CHRM3: variants seen among roughly 807,000 people sequenced by gnomAD.
CHRM3 encodes the protein cholinergic receptor muscarinic 3.
CHRM3 carries 11 observed loss-of-function variants against 41.8 expected under a neutral mutation model. The ratio of observed to expected loss-of-function variants is 0.26; its 90% confidence interval spans 0.17 to 0.44. The LOEUF is 0.44. Among genes scored for constraint, CHRM3 ranks in the 20% least tolerant of loss-of-function variants. The probability of loss-of-function intolerance (pLI) is 1.00; values close to 1 mark genes in which losing one functional copy is unlikely to be tolerated. For synonymous variants in CHRM3, 297 were observed against 301.4 expected (o/e 0.99, Z 0.15); for missense variants, 571 against 745.4 (o/e 0.77, Z 2.72).
intron 1 of CHRM3, among the ~76,000 whole-genome samples, chr1:239,421,833 A>G (rs1266327888): frequency 6.6e-6 from 1 of 151,646 alleles, no homozygotes; most frequent in African/African-American, 2.4e-5. Flanking sequence ...AAACCACACC[A>G]TACTGATGCC....
At chr1:239,672,840 A>G (rs1318415975) in intron 4 of CHRM3, among the ~76,000 whole-genome samples, 1 of 152,034 alleles carries the variant, frequency 6.6e-6, no homozygotes, top group African/African-American at 2.4e-5. Flanking sequence ...TTTTCTAAGA[A>G]CTGTTAACCC....
intron 6 of CHRM3, among the ~76,000 whole-genome samples, chr1:239,883,411 C>G (rs1677807607): frequency 6.6e-6 from 1 of 152,178 alleles, no homozygotes; most frequent in Non-Finnish European, 1.5e-5. Flanking sequence ...GAAGCTTTTT[C>G]TAGTGTAATG....
intron 5 of CHRM3, among the ~76,000 whole-genome samples, chr1:239,824,590 T>A (rs1347428514): frequency 6.6e-6 from 1 of 152,208 alleles, no homozygotes. Context: ...TAAATTAGGA[T>A]CACGTTTGTG....
intron 5 of CHRM3, among the ~76,000 whole-genome samples, chr1:239,788,232 C>A (rs1415061488): frequency 6.6e-6 from 1 of 151,806 alleles, no homozygotes; most frequent in African/African-American, 2.4e-5. Context: ...TGAGACCCCC[C>A]AACTCAAAAT....
intron 5 of CHRM3, among the ~76,000 whole-genome samples, chr1:239,745,804 T>G (rs1227768743): frequency 1.3e-5 from 2 of 152,168 alleles, no homozygotes; most frequent in African/African-American, 4.8e-5. Context: ...AAGACATTTA[T>G]GCAGCTGTTA....
chr1:239,763,166 T>G (rs1450707500), intron 5 of CHRM3, among the ~76,000 whole-genome samples: 1 of 152,186 alleles, frequency 6.6e-6, no homozygotes, highest in African/African-American at 2.4e-5. Flanking sequence ...CTGTCATGTT[T>G]TAACAAAGAA....
intron 2 of CHRM3, among the ~76,000 whole-genome samples, chr1:239,531,973 A>G (rs892207057): frequency 7.3e-6 from 1 of 136,210 alleles, no homozygotes; most frequent in African/African-American, 2.7e-5. Context: ...ATGGATATTT[A>G]AGGTGGAGTA....
chr1:239,747,044 C>G (rs1191937056), intron 5 of CHRM3, among the ~76,000 whole-genome samples: 2 of 152,146 alleles, frequency 1.3e-5, no homozygotes, highest in African/African-American at 4.8e-5. Context: ...GCATGAGCCA[C>G]CACACCTGGC....
At chr1:239,718,529 A>G (rs1467972499) in intron 5 of CHRM3, among the ~76,000 whole-genome samples, 1 of 152,006 alleles carries the variant, frequency 6.6e-6, no homozygotes, top group Non-Finnish European at 1.5e-5. Flanking sequence ...CACCTGGTAC[A>G]TGGAGTTTTG....
At chr1:239,405,456 G>C (rs988650854) in intron 1 of CHRM3, among the ~76,000 whole-genome samples, 2 of 152,038 alleles carry the variant, frequency 1.3e-5, no homozygotes, top group Non-Finnish European at 2.9e-5. Context: ...TACTTGTAAG[G>C]GAATTTCTAA....
chr1:239,529,012 A>G (rs975335165), intron 2 of CHRM3, among the ~76,000 whole-genome samples: 6 of 152,226 alleles, frequency 3.9e-5, no homozygotes, highest in African/African-American at 1.2e-4. Context: ...TAAAGGAGCC[A>G]TCTATACCTG....
chr1:239,884,943 C>T (rs1157411842), intron 6 of CHRM3, among the ~76,000 whole-genome samples: 1 of 152,118 alleles, frequency 6.6e-6, no homozygotes, highest in Admixed American at 6.5e-5. Context: ...TACAGATGGA[C>T]GACATGAGTC....
At chr1:239,409,043 T>G (rs1463102232) in intron 1 of CHRM3, among the ~76,000 whole-genome samples, 4 of 152,190 alleles carry the variant, frequency 2.6e-5, no homozygotes, top group Non-Finnish European at 5.9e-5. Flanking sequence ...AAATATTATA[T>G]TCTGTCAGAT....
intron 5 of CHRM3, among the ~76,000 whole-genome samples, chr1:239,749,436 A>G (rs919148384): frequency 6.6e-6 from 1 of 152,186 alleles, no homozygotes; most frequent in East Asian, 1.9e-4. Flanking sequence ...TGGGAGGCCA[A>G]GGTGGGTGGA....
intron 5 of CHRM3, among the ~76,000 whole-genome samples, chr1:239,724,520 C>T (rs1663258503): frequency 6.6e-6 from 1 of 151,866 alleles, no homozygotes; most frequent in African/African-American, 2.4e-5. Context: ...GTGTAAAATG[C>T]ATATATCAGT....
chr1:239,696,502 C>T (rs1660204619), intron 5 of CHRM3, among the ~76,000 whole-genome samples: 1 of 152,054 alleles, frequency 6.6e-6, no homozygotes, highest in South Asian at 2.1e-4. Context: ...GTTTCAACTT[C>T]CTCATCTTTA....
intron 5 of CHRM3, among the ~76,000 whole-genome samples, chr1:239,759,186 T>TTTTTTTTTTTTG (rs1666513665): frequency 7.4e-6 from 1 of 134,420 alleles, no homozygotes; most frequent in African/African-American, 3.3e-5. Flanking sequence ...TTTTTTGTTT[T>TTTTTTTTTTTTG]TTTTTTTTTT....
intron 5 of CHRM3, chr1:239,705,002 G>T (rs1661013004): frequency 6.6e-6 from 1 of 152,134 alleles, no homozygotes; most frequent in Non-Finnish European, 1.5e-5. Flanking sequence ...GAAGTTTGAG[G>T]CCAGCCTGGG....
intron 1 of CHRM3, among the ~76,000 whole-genome samples, chr1:239,487,188 T>G (rs1287135954): frequency 2.6e-5 from 4 of 152,144 alleles, no homozygotes; most frequent in African/African-American, 9.7e-5. Context: ...GTTTAAGACA[T>G]TAAAGTGAGA....
Sources: gnomAD v4.1 joint callset for allele counts (sites outside exome capture counted in the v4.1 genomes callset) on GRCh38, gnomAD v4.1.1 for gene constraint, MANE v1.5 for transcripts, NCBI Gene and HGNC (gene_info 2026-07-23, HGNC 2026-07-21) for gene names.